PCDH9: variants seen among roughly 807,000 people sequenced by gnomAD.
The protein encoded by PCDH9 is protocadherin 9.
A neutral mutation model predicts 70.6 loss-of-function variants in PCDH9; 24 were observed. The ratio of observed to expected loss-of-function variants is 0.34; its 90% CI spans 0.25 to 0.48. The LOEUF (loss-of-function observed/expected upper bound fraction) is 0.48. PCDH9 is among the 20% of genes least tolerant of loss of function. The pLI is 0.99. For missense variants in PCDH9, 1,281 were observed against 1,503.6 expected (o/e 0.85, Z 2.45); for synonymous variants, 562 against 558.5 (o/e 1.01, Z -0.09).
At chr13:66,910,011 C>A (rs1209533949) in intron 2 of PCDH9, among the ~76,000 whole-genome samples, 1 of 152,142 alleles carries the variant, frequency 6.6e-6, no homozygotes, top group African/African-American at 2.4e-5. Flanking sequence ...TAATGCTCAT[C>A]AATTCCTCTA....
At chr13:67,200,472 T>C (rs2089182158) in intron 2 of PCDH9, among the ~76,000 whole-genome samples, 1 of 152,040 alleles carries the variant, frequency 6.6e-6, no homozygotes, top group African/African-American at 2.4e-5. Context: ...CTTAGCAAAA[T>C]AAGTGAATCA....
intron 2 of PCDH9, among the ~76,000 whole-genome samples, chr13:66,993,619 TGGTTTA>T (rs913859653): frequency 3.3e-5 from 5 of 152,202 alleles, no homozygotes; most frequent in African/African-American, 1.2e-4. Flanking sequence ...CCTCATACCT[TGGTTTA>T]AAATGCAGGA....
At chr13:67,123,938 T>G (rs2086925360) in intron 2 of PCDH9, among the ~76,000 whole-genome samples, 1 of 151,936 alleles carries the variant, frequency 6.6e-6, no homozygotes, top group Non-Finnish European at 1.5e-5. Context: ...CTAAAGAATC[T>G]TCCCAAACAG....
In PCDH9 at chr13:66,681,144, C is replaced by A. The variant is rs1454000086; in HGVS notation, c.3139-49733G>T. 6.6e-5 allele frequency among the ~76,000 whole-genome samples: 10 copies of A among 151,984 alleles called. No homozygotes were observed. The East Asian group carries it at 1.9e-3, about 29-fold the overall frequency. On this transcript the variant is annotated intron_variant, in intron 3 of 4. Transcript: ENST00000377865. The stretch of plus-strand genomic sequence containing the variant: ...AACAATCCCACATGCCCTGTAAAAA[C>A]CTATCACAATCACTTTACCCCCCAC...
At chr13:67,123,976 G>A (rs2086926230) in intron 2 of PCDH9, among the ~76,000 whole-genome samples, 1 of 151,988 alleles carries the variant, frequency 6.6e-6, no homozygotes, top group African/African-American at 2.4e-5. Context: ...TATCTGAAGA[G>A]TTAAAGAAAG....
intron 2 of PCDH9, among the ~76,000 whole-genome samples, chr13:67,111,328 T>TATC (rs1293369508): frequency 2.0e-5 from 3 of 152,194 alleles, no homozygotes; most frequent in Non-Finnish European, 4.4e-5. Flanking sequence ...GCACATTTTC[T>TATC]ATCTTATTCT....
chr13:66,737,238 G>C (rs1013664655), intron 3 of PCDH9, among the ~76,000 whole-genome samples: 3 of 152,056 alleles, frequency 2.0e-5, no homozygotes, highest in African/African-American at 4.8e-5. Context: ...GTGATTGCTT[G>C]CATTTTGGTT....
chr13:66,937,042 T>C (rs2082926581), intron 2 of PCDH9, among the ~76,000 whole-genome samples: 1 of 152,224 alleles, frequency 6.6e-6, no homozygotes, highest in African/African-American at 2.4e-5. Flanking sequence ...AAAATATAAG[T>C]ATGCATGATC....
chr13:66,745,402 C>A (rs1489891364), intron 3 of PCDH9, among the ~76,000 whole-genome samples: 1 of 152,126 alleles, frequency 6.6e-6, no homozygotes, highest in African/African-American at 2.4e-5. Flanking sequence ...GAATAATATG[C>A]CTGATTCAAC....
intron 4 of PCDH9, among the ~76,000 whole-genome samples, chr13:66,622,605 T>G (rs1321968374): frequency 6.6e-6 from 1 of 152,188 alleles, no homozygotes; most frequent in East Asian, 1.9e-4. Flanking sequence ...ACCTTTTGTG[T>G]GGACACTCTG....
chr13:66,570,266 G>A (rs1048412041), intron 4 of PCDH9, among the ~76,000 whole-genome samples: 4 of 152,110 alleles, frequency 2.6e-5, no homozygotes, highest in Non-Finnish European at 5.9e-5. Flanking sequence ...GGAGGGAAAT[G>A]TGGAGAGCAG....
chr13:66,774,541 G>A (rs1168172630), intron 3 of PCDH9, among the ~76,000 whole-genome samples: 2 of 152,176 alleles, frequency 1.3e-5, no homozygotes, highest in Admixed American at 1.3e-4. Context: ...GACAGATTGA[G>A]GCGGCTGTGT....
intron 4 of PCDH9, among the ~76,000 whole-genome samples, chr13:66,541,588 C>T (rs9564320): frequency 0.4 from 61,143 of 152,020 alleles, 13,608 homozygotes; most frequent in East Asian, 0.67. Flanking sequence ...ATCTTCTCTG[C>T]GTGTTTCTGT....
chr13:66,620,978 AATTAAAAAATGGGTGAATTAT>A lies in PCDH9; in HGVS notation c.3340+10211_3340+10231del, dbSNP rs1469736883. On this transcript the variant is annotated intron_variant, in intron 4 of 4. Transcript: ENST00000377865. ...TGTTTGCAGAATGAATAGATAAATG[AATTAAAAAATGGGTGAATTAT>A]GTAAAGCTCAAATGAATAATGTATA... 3.3e-5 allele frequency among the ~76,000 whole-genome samples: 5 copies of A among 152,350 alleles called. No individual in the cohort carries two copies. In the East Asian group the frequency reaches 9.7e-4, roughly 29 times the overall value.
intron 4 of PCDH9, among the ~76,000 whole-genome samples, chr13:66,522,845 A>C (rs1298125541): frequency 6.6e-6 from 1 of 152,070 alleles, no homozygotes; most frequent in African/African-American, 2.4e-5. Context: ...TAGGAGAGAA[A>C]AAATGTATGC....
intron 3 of PCDH9, among the ~76,000 whole-genome samples, chr13:66,781,485 T>G (rs2079997103): frequency 6.6e-6 from 1 of 152,196 alleles, no homozygotes; most frequent in African/African-American, 2.4e-5. Flanking sequence ...AAAATCAGCA[T>G]GGGAAATTAT....
chr13:66,499,921 C>A (rs1458072499), intron 4 of PCDH9, among the ~76,000 whole-genome samples: 1 of 152,158 alleles, frequency 6.6e-6, no homozygotes, highest in Non-Finnish European at 1.5e-5. Flanking sequence ...ATGTGGCATG[C>A]CTGCCCATCC....
intron 3 of PCDH9, among the ~76,000 whole-genome samples, chr13:66,785,005 T>C (rs1276693610): frequency 1.3e-5 from 2 of 152,142 alleles, no homozygotes; most frequent in Non-Finnish European, 2.9e-5. Flanking sequence ...TTAGTAGTTC[T>C]ACTATTATTA....
intron 2 of PCDH9, among the ~76,000 whole-genome samples, chr13:67,169,369 T>C (rs2088213152): frequency 6.6e-6 from 1 of 152,218 alleles, no homozygotes; most frequent in Non-Finnish European, 1.5e-5. Context: ...CATTTAAAAA[T>C]TAAGAATTTA....
Sources: allele counts gnomAD v4.1 joint callset (sites outside exome capture counted in the v4.1 genomes callset), GRCh38; gene constraint gnomAD v4.1.1; transcripts MANE v1.5; gene names NCBI Gene and HGNC (gene_info 2026-07-23, HGNC 2026-07-21).